The following LRMDA variants were observed in gnomAD, a reference collection of about 807,000 sequenced individuals.
LRMDA encodes the protein leucine-rich melanocyte differentiation-associated protein.
Under a neutral mutation model 29.8 loss-of-function variants are expected in LRMDA, and 18 were observed. The observed-to-expected ratio is 0.60, with a 90% CI of 0.42 to 0.90. The LOEUF is 0.90. Ranked by LOEUF, LRMDA falls within the 40% of genes least tolerant of loss-of-function variation. LRMDA has a pLI of 0.00. For synonymous variants in LRMDA, 125 were observed against 109.4 expected (o/e 1.14, Z -0.89); for missense variants, 273 against 273.9 (o/e 1.00, Z 0.02).
chr10:76,070,471 T>A (rs1848857030), intron 5 of LRMDA, among the ~76,000 whole-genome samples: 1 of 152,276 alleles, frequency 6.6e-6, no homozygotes, highest in African/African-American at 2.4e-5. Context: ...GTGGAGAAAG[T>A]AAAGAAAGAG....
At chr10:76,409,425 G>C (rs1182614850) in intron 6 of LRMDA, among the ~76,000 whole-genome samples, 1 of 151,980 alleles carries the variant, frequency 6.6e-6, no homozygotes, top group African/African-American at 2.4e-5. Flanking sequence ...GTTAACATTA[G>C]ATTTTTAAAA....
chr10:75,888,974 CT>C (rs990994880), intron 2 of LRMDA, among the ~76,000 whole-genome samples: 58 of 152,236 alleles, frequency 3.8e-4, no homozygotes, highest in Middle Eastern at 3.4e-3. Flanking sequence ...TATTACCTTT[CT>C]GTGTAAGAAT....
chr10:75,574,508 C>A (rs9416072), intron 2 of LRMDA, among the ~76,000 whole-genome samples: 1 of 152,222 alleles, frequency 6.6e-6, no homozygotes, highest in Non-Finnish European at 1.5e-5. Context: ...ACATTTGGGC[C>A]TGTTGGTCAG....
intron 2 of LRMDA, among the ~76,000 whole-genome samples, chr10:75,501,384 A>G (rs1845111637): frequency 6.6e-6 from 1 of 152,140 alleles, no homozygotes; most frequent in African/African-American, 2.4e-5. Flanking sequence ...GTGTGTTTAA[A>G]TGATTCTTTT....
chr10:75,472,598 T>C (rs1589153616), intron 2 of LRMDA, among the ~76,000 whole-genome samples: 1 of 152,210 alleles, frequency 6.6e-6, no homozygotes, highest in Admixed American at 6.5e-5. Flanking sequence ...TCAATGGTTA[T>C]TGAGTTGCGT....
rs1244431221 is a variant in LRMDA at position 76,558,857 on chromosome 10, T to G, written c.*1569T>G. The G allele has an allele frequency of 1.3e-5, 2 of 152,220 alleles. No homozygotes were observed. Among genetic ancestry groups the G allele is most frequent in the East Asian group, 3.8e-4 (2 of 5,200 alleles). 9.4% of individuals were successfully genotyped at this position (152,220 alleles called of 1,614,324 possible). ...CCTGTTTGAGATTACACAACCTTTG[T>G]TAATCAGTTCTTTAGACAAGTTAAC... On this transcript the variant is annotated 3_prime_UTR_variant, in exon 7 of 7. Coordinates refer to ENST00000611255, the MANE Select transcript of LRMDA (RefSeq NM_001305581.2).
chr10:76,195,203 T>A (rs1851311718), intron 5 of LRMDA, among the ~76,000 whole-genome samples: 1 of 152,194 alleles, frequency 6.6e-6, no homozygotes, highest in Non-Finnish European at 1.5e-5. Context: ...AGGCTTGCAT[T>A]CCTCCCATTC....
intron 2 of LRMDA, among the ~76,000 whole-genome samples, chr10:75,602,672 GT>G (rs1284148590): frequency 6.6e-6 from 1 of 152,066 alleles, no homozygotes; most frequent in African/African-American, 2.4e-5. Context: ...ACTTTCATGT[GT>G]TTTCCTTCCT....
chr10:76,019,428 T>C (rs1847932867), intron 2 of LRMDA, among the ~76,000 whole-genome samples: 1 of 152,184 alleles, frequency 6.6e-6, no homozygotes, highest in Non-Finnish European at 1.5e-5. Flanking sequence ...TTATTATCTT[T>C]GCTGCAGTTG....
chr10:75,705,730 T>C (rs998140584), intron 2 of LRMDA, among the ~76,000 whole-genome samples: 3 of 152,206 alleles, frequency 2.0e-5, no homozygotes, highest in African/African-American at 7.2e-5. Context: ...ATGGCTCTTA[T>C]TCCATCCTTT....
chr10:76,445,705 A>G (rs1451528351), intron 6 of LRMDA, among the ~76,000 whole-genome samples: 1 of 152,226 alleles, frequency 6.6e-6, no homozygotes, highest in Non-Finnish European at 1.5e-5. Flanking sequence ...ATCTTATTCC[A>G]TTCCTGCCAA....
At position 76,235,772 on chromosome 10, in the gene LRMDA, G is replaced by A. The variant is rs539974529; in HGVS notation, c.517-88629G>A. 2.0e-5 allele frequency among the ~76,000 whole-genome samples: 3 copies of A among 152,292 alleles called. No individual in the cohort carries two copies. The South Asian group carries it at 6.2e-4, about 32-fold the overall frequency. ...GGGTTAGAAACTGTATGACGAATAA[G>A]GGTTGTCTTCTTATACAGATTAAAA... On this transcript the variant is annotated intron_variant, in intron 5 of 6. Coordinates refer to ENST00000611255, the MANE Select transcript of LRMDA (RefSeq NM_001305581.2).
rs537308333 is a variant in LRMDA at position 76,329,805 on chromosome 10, C to T, written c.601+5320C>T. On this transcript the variant is annotated intron_variant, in intron 6 of 6. Transcript: ENST00000611255. ...CTCCATGAAGCAGCTCAATGTATGC[C>T]ATCCAAAAAAGAAGAAAAAGACCGA... is the stretch of plus-strand genomic sequence containing the variant. Among the ~76,000 whole-genome samples the T allele has an allele frequency of 1.5e-4, 23 of 152,098 alleles. No homozygotes were observed. In the East Asian group the frequency reaches 4.3e-3, roughly 28 times the overall value.
intron 2 of LRMDA, among the ~76,000 whole-genome samples, chr10:75,811,881 T>C (rs1175511425): frequency 3.3e-5 from 5 of 152,208 alleles, no homozygotes; most frequent in African/African-American, 4.8e-5. Context: ...TCCCTCATCA[T>C]GCTTGTGGAC....
chr10:75,716,866 G>T (rs1224356507), intron 2 of LRMDA, among the ~76,000 whole-genome samples: 3 of 152,166 alleles, frequency 2.0e-5, no homozygotes, highest in Admixed American at 6.5e-5. Context: ...CAGGCTGATG[G>T]GGCAGCGAAA....
intron 5 of LRMDA, among the ~76,000 whole-genome samples, chr10:76,170,249 C>T (rs16932949): frequency 0.17 from 25,722 of 152,144 alleles, 2,824 homozygotes; most frequent in East Asian, 0.52. Flanking sequence ...TGGTAGAAAA[C>T]CAAAACTAGC....
intron 6 of LRMDA, among the ~76,000 whole-genome samples, chr10:76,413,284 G>C (rs1019705080): frequency 6.6e-6 from 1 of 152,138 alleles, no homozygotes; most frequent in Non-Finnish European, 1.5e-5. Context: ...CATCACATCT[G>C]TATTAGTCTG....
chr10:76,144,341 A>G (rs975393355), intron 5 of LRMDA, among the ~76,000 whole-genome samples: 1 of 152,156 alleles, frequency 6.6e-6, no homozygotes, highest in Non-Finnish European at 1.5e-5. Context: ...ATGTTCTTCC[A>G]TTTGTTTGTA....
rs895935306 is a variant in LRMDA, at chr10:75,431,646, G to A, written c.-79G>A. On this transcript the variant is annotated 5_prime_UTR_variant, in exon 1 of 7. Coordinates refer to ENST00000611255, the MANE Select transcript of LRMDA (RefSeq NM_001305581.2). ...CCCAGTGCGGAACTGTGCGCCCGCC[G>A]CGCTCCCCTGCCGCGCTCCCCGCTG... is the stretch of plus-strand genomic sequence containing the variant. 25 of 1,180,602 alleles carry A rather than the reference G, an allele frequency of 2.1e-5. No homozygotes were observed. The highest frequency in any genetic ancestry group is 3.3e-4 in the Middle Eastern group (1 of 3,038). The allele number at this position is 1,180,602 out of a possible 1,614,324, so 73.1% of individuals were successfully genotyped here.
Sources: allele counts gnomAD v4.1 joint callset (sites outside exome capture counted in the v4.1 genomes callset), GRCh38; gene constraint gnomAD v4.1.1; transcripts MANE v1.5; gene names NCBI Gene and HGNC (gene_info 2026-07-23, HGNC 2026-07-21).